The following DIAPH2 variants were observed in gnomAD, a reference collection of about 807,000 sequenced individuals.
The protein encoded by DIAPH2 is protein diaphanous homolog 2.
Under a neutral mutation model 92.7 loss-of-function variants are expected in DIAPH2, and 35 were observed. That is an observed-to-expected ratio of 0.38 (90% CI 0.29 to 0.50). DIAPH2 has a LOEUF of 0.50. Among genes scored for constraint, DIAPH2 ranks in the 20% least tolerant of loss-of-function variants. The pLI is 0.94. For missense variants in DIAPH2, 701 were observed against 819.5 expected (o/e 0.86, Z 1.77); for synonymous variants, 301 against 280.4 (o/e 1.07, Z -0.73).
chrX:97,175,342 A>G (rs982045854), intron 22 of DIAPH2, among the ~76,000 whole-genome samples: 4 of 111,693 alleles, frequency 3.6e-5, no homozygotes, highest in African/African-American at 1.3e-4. Context: ...TAATGTCACG[A>G]TAGGTGGTGC....
intron 24 of DIAPH2, among the ~76,000 whole-genome samples, chrX:97,368,250 C>G (rs1041529480): frequency 4.5e-5 from 5 of 112,151 alleles, no homozygotes; most frequent in East Asian, 2.8e-4. Flanking sequence ...TCTAATAAGA[C>G]TTGTTCTTTA....
In DIAPH2 at chrX:96,684,910, G is replaced by A. The variant is rs750894125; in HGVS notation, c.-149G>A. ...TGCCTGGGAGCCTGGAGTCCCGGGG[G>A]CCTGAAATCGGCAGCTTCCCGGGCA... On this transcript the variant is annotated 5_prime_UTR_variant, in exon 1 of 27. Coordinates refer to ENST00000324765, the MANE Select transcript of DIAPH2 (RefSeq NM_006729.5). 79 of 685,122 alleles carry A rather than the reference G, an allele frequency of 1.2e-4. No individual in the cohort carries two copies. The African/African-American group carries it at 1.6e-3, about 14-fold the overall frequency. The allele number at this position is 685,122 out of a possible 1,213,427, so 56.5% of individuals were successfully genotyped here.
At chrX:97,075,014 G>C (rs769609588) in intron 18 of DIAPH2, among the ~76,000 whole-genome samples, 153 bp from the exon 19 acceptor site, 1 of 111,849 alleles carries the variant, frequency 8.9e-6, no homozygotes, top group South Asian at 3.8e-4. Context: ...AGAGTGAGTA[G>C]TCCATCAAAT....
chrX:97,146,033 T>TTA (rs1325188184), intron 22 of DIAPH2, among the ~76,000 whole-genome samples: 1 of 87,359 alleles, frequency 1.1e-5, no homozygotes, highest in African/African-American at 3.8e-5. Context: ...TTTTTTTTTT[T>TTA]ACTAAAGCCT....
At chrX:97,109,891 G>T (rs2066967432) in intron 20 of DIAPH2, among the ~76,000 whole-genome samples, 1 of 111,659 alleles carries the variant, frequency 9.0e-6, no homozygotes, top group Non-Finnish European at 1.9e-5. Context: ...AATCAATGAA[G>T]AATTTTTGCC....
intron 23 of DIAPH2, among the ~76,000 whole-genome samples, chrX:97,259,751 G>C (rs888326856): frequency 8.9e-6 from 1 of 112,582 alleles, no homozygotes; most frequent in Non-Finnish European, 1.9e-5. Flanking sequence ...CATTTATATA[G>C]TGTTTTAAAG....
At chrX:97,197,794 G>A (rs1027763898) in intron 22 of DIAPH2, among the ~76,000 whole-genome samples, 2 of 111,890 alleles carry the variant, frequency 1.8e-5, no homozygotes, top group East Asian at 5.6e-4. Context: ...TAAGTTTGAA[G>A]TGTTCAGGTC....
chrX:96,828,310 A>G (rs766689091), intron 4 of DIAPH2, among the ~76,000 whole-genome samples: 2 of 111,484 alleles, frequency 1.8e-5, no homozygotes, highest in African/African-American at 6.5e-5. Context: ...GGATCAGCTC[A>G]TTCTCTCCTA....
intron 23 of DIAPH2, among the ~76,000 whole-genome samples, chrX:97,346,558 C>T (rs1055487132): frequency 1.8e-5 from 2 of 111,761 alleles, no homozygotes; most frequent in East Asian, 2.8e-4. Flanking sequence ...AAGAGGAAAA[C>T]TTATGGATTT....
chrX:96,701,578 G>A (rs1318672849), intron 1 of DIAPH2: 1 of 110,705 alleles, frequency 9.0e-6, no homozygotes, highest in Non-Finnish European at 1.9e-5. Flanking sequence ...GTAACTGACT[G>A]TGAACAATCA....
intron 24 of DIAPH2, among the ~76,000 whole-genome samples, chrX:97,375,389 G>A (rs1421552563): frequency 9.0e-6 from 1 of 110,994 alleles, no homozygotes; most frequent in Admixed American, 9.6e-5. Context: ...CTGGGAGGCG[G>A]AGGTTGCAGT....
At chrX:97,136,410 G>C (rs749866011) in intron 21 of DIAPH2, among the ~76,000 whole-genome samples, 9 of 111,845 alleles carry the variant, frequency 8.0e-5, no homozygotes, top group African/African-American at 2.9e-4. Context: ...AAATGGTAGG[G>C]TCAAGGTTCG....
intron 1 of DIAPH2, among the ~76,000 whole-genome samples, chrX:96,718,930 C>T (rs2063972362): frequency 9.0e-6 from 1 of 111,466 alleles, no homozygotes; most frequent in Non-Finnish European, 1.9e-5. Flanking sequence ...TTTTCCACAT[C>T]CTTGCCAGCA....
chrX:97,588,996 A>AATATAT (rs199558439), intron 26 of DIAPH2, among the ~76,000 whole-genome samples: 1,615 of 31,650 alleles, frequency 0.051, 105 homozygotes, highest in African/African-American at 0.11. Flanking sequence ...ATATTATAGA[A>AATATAT]ATATATATAT....
chrX:97,396,676 G>A (rs1379085866), intron 25 of DIAPH2, among the ~76,000 whole-genome samples: 4 of 111,919 alleles, frequency 3.6e-5, no homozygotes, highest in Non-Finnish European at 5.6e-5. Flanking sequence ...CACTGAATGT[G>A]CAAAAGGATT....
At chrX:97,550,210 T>G (rs938952269) in intron 26 of DIAPH2, among the ~76,000 whole-genome samples, 9 of 110,952 alleles carry the variant, frequency 8.1e-5, no homozygotes, top group African/African-American at 2.6e-4. Flanking sequence ...AATACAAAAA[T>G]TACCTGGGTG....
intron 22 of DIAPH2, among the ~76,000 whole-genome samples, chrX:97,144,284 A>G (rs1480385712): frequency 1.8e-5 from 2 of 111,231 alleles, no homozygotes; most frequent in Admixed American, 1.9e-4. Context: ...TGATCACACC[A>G]TTGCACTCTA....
intron 3 of DIAPH2, among the ~76,000 whole-genome samples, chrX:96,750,460 A>AG (rs1322038864): frequency 1.8e-5 from 2 of 112,401 alleles, no homozygotes; most frequent in African/African-American, 6.5e-5. Context: ...TATTTAAAGA[A>AG]GAACAATCTT....
At position 97,032,195 on chromosome X, in the gene DIAPH2, A is replaced by G. The variant is rs182471702; in HGVS notation, c.2051-40746A>G. ...TAAAGATCACTCTGATTATGGTCTG[A>G]GAGATGTTTGGGACCTGGTTGGGGA... is the stretch of plus-strand genomic sequence containing the variant. On this transcript the variant is annotated intron_variant, in intron 17 of 26. Transcript: ENST00000324765. 4.5e-5 allele frequency among the ~76,000 whole-genome samples: 5 copies of G among 111,349 alleles called. No homozygotes were observed. In the East Asian group the frequency reaches 1.4e-3, roughly 31 times the overall value.
Sources: gnomAD v4.1 joint callset for allele counts (sites outside exome capture counted in the v4.1 genomes callset) on GRCh38, gnomAD v4.1.1 for gene constraint, MANE v1.5 for transcripts, NCBI Gene and HGNC (gene_info 2026-07-23, HGNC 2026-07-21) for gene names.